The following ZNF253 variants were observed in gnomAD, a reference collection of about 807,000 sequenced individuals.
The protein encoded by ZNF253 is zinc finger protein 253.
A neutral mutation model predicts 11.9 loss-of-function variants in ZNF253; 8 were observed. The observed-to-expected ratio is 0.67, with a 90% CI of 0.40 to 1.22. ZNF253 has a LOEUF of 1.22. Among genes scored for constraint, ZNF253 ranks in the 50% most tolerant of loss-of-function variants. The probability of loss-of-function intolerance (pLI) is 0.01; values close to 1 mark genes in which losing one functional copy is unlikely to be tolerated. For synonymous variants in ZNF253, 194 were observed against 194.9 expected (o/e 1.00, Z 0.04); for missense variants, 485 against 586.9 (o/e 0.83, Z 1.79).
In ZNF253 at chr19:19,892,026, A is replaced by T; in HGVS notation, c.779A>T (p.Glu260Val). The T allele has an allele frequency of 6.2e-7, 1 of 1,613,874 alleles. No individual in the cohort carries two copies. The highest frequency in any genetic ancestry group is 8.5e-7 in the Non-Finnish European group (1 of 1,179,986). The change falls in exon 4 of 4, where the codon GAA becomes GTA. Residue 260 changes from glutamate (E) to valine (V), a missense_variant. By Grantham distance (121) the Glu-to-Val change is moderately radical. Around this residue, in one of 3 missense-constraint regions of ZNF253, gnomAD observed 232 missense variants for 321.4 expected, o/e 0.72. Transcript: ENST00000589717. The part of the protein sequence containing the change: ...HTGEKPYKCE[E>V]CGKAFNRSTD... ...GGAGAGAAACCCTACAAATGTGAAG[A>T]ATGTGGCAAAGCCTTCAACCGATCC...
chr19:19,876,491 T>G (rs971984361), intron 1 of ZNF253, among the ~76,000 whole-genome samples: 1 of 148,582 alleles, frequency 6.7e-6, no homozygotes, highest in South Asian at 2.1e-4. Context: ...AGGAGAAACT[T>G]ATATTTTTAT....
chr19:19,872,580 T>TATATATTTA (rs1555777030), intron 1 of ZNF253, among the ~76,000 whole-genome samples: 2 of 108,438 alleles, frequency 1.8e-5, no homozygotes, highest in African/African-American at 1.0e-4. Flanking sequence ...TATATATATA[T>TATATATTTA]TATTATATAT....
chr19:19,866,074 C>CT lies in ZNF253; in HGVS notation c.3+76dup, dbSNP rs2063109706. 5.0e-6 allele frequency: 8 copies of CT among 1,594,064 alleles called. No homozygotes were observed. The South Asian group carries it at 8.8e-5, about 18-fold the overall frequency. ...GGTGGGAAGTGGCTCTGGCGGGACT[C>CT]TGCTTCCTCACAGTCAGCTCCACAA... On this transcript the variant is annotated intron_variant, in intron 1 of 3. Transcript: ENST00000589717.
intron 1 of ZNF253, among the ~76,000 whole-genome samples, chr19:19,873,589 G>C (rs1244768898): frequency 6.6e-6 from 1 of 152,028 alleles, no homozygotes; most frequent in African/African-American, 2.4e-5. Flanking sequence ...AGGTTTCTTT[G>C]GTTGGTACCA....
At chr19:19,887,878 AG>A (rs1446292923) in intron 3 of ZNF253, among the ~76,000 whole-genome samples, 1 of 150,462 alleles carries the variant, frequency 6.6e-6, no homozygotes, top group African/African-American at 2.4e-5. Context: ...CTGGGATTAC[AG>A]GCATGCCCCA....
At chr19:19,879,968 C>A in intron 2 of ZNF253, 83 bp from the exon 3 acceptor site, 2 of 701,186 alleles carry the variant, frequency 2.9e-6, no homozygotes, top group Admixed American at 3.2e-5. Context: ...AATATTTTAT[C>A]ACATCCTCTC....
At chr19:19,884,649 G>A (rs1228950024) in intron 3 of ZNF253, among the ~76,000 whole-genome samples, 1 of 152,126 alleles carries the variant, frequency 6.6e-6, no homozygotes, top group Non-Finnish European at 1.5e-5. Context: ...TATGATTACA[G>A]GCTTGAGCCA....
rs539839524 is a variant in ZNF253 at position 19,865,887 on chromosome 19, T to A, written c.-110T>A. On this transcript the variant is annotated 5_prime_UTR_variant, in exon 1 of 4. Coordinates refer to ENST00000589717, the MANE Select transcript of ZNF253 (RefSeq NM_021047.3). ...CGCTGCAGCGGGAGCTCCAGGTTTA[T>A]CCTCAGTGTTCTGTGTCCTGTGCTT... The A allele has an allele frequency of 1.6e-5, 22 of 1,385,816 alleles. No individual in the cohort carries two copies. In the South Asian group the frequency reaches 2.5e-4, roughly 16 times the overall value. The allele number at this position is 1,385,816 out of a possible 1,614,324, so 85.8% of individuals were successfully genotyped here.
At chr19:19,884,713 T>A (rs2063191476) in intron 3 of ZNF253, among the ~76,000 whole-genome samples, 1 of 152,150 alleles carries the variant, frequency 6.6e-6, no homozygotes, top group South Asian at 2.1e-4. Flanking sequence ...ATAAGGAACA[T>A]TTCTAACATT....
intron 1 of ZNF253, among the ~76,000 whole-genome samples, chr19:19,870,357 A>G (rs1599549266): frequency 6.8e-6 from 1 of 148,012 alleles, no homozygotes; most frequent in South Asian, 2.1e-4. Context: ...GCACCATTTC[A>G]CTCCAGCCTG....
chr19:19,891,120 G>A (rs1431597181), intron 3 of ZNF253, among the ~76,000 whole-genome samples: 3 of 152,056 alleles, frequency 2.0e-5, no homozygotes, highest in African/African-American at 2.4e-5. Context: ...GATTACAGGC[G>A]TGAGCCACCA....
Position 19,891,690 on chromosome 19 carries a change from A to T in ZNF253, c.443A>T (p.Lys148Ile). The change falls in exon 4 of 4, where the codon AAA becomes ATA. Residue 148 changes from lysine (K) to isoleucine (I), a missense_variant. Physicochemically the swap from Lys to Ile is moderately radical, Grantham distance 102 (BLOSUM62 -3). Around this residue, in one of 3 missense-constraint regions of ZNF253, gnomAD observed 218 missense variants for 213.1 expected, o/e 1.02. Transcript: ENST00000589717. Reference sequence around the variant, plus strand: ...CAGAAAGAAATATTTCAATGTGATAAATATGGAAAAGTCTTTCATAAGTTT... The same window carrying T: ...CAGAAAGAAATATTTCAATGTGATATATATGGAAAAGTCTTTCATAAGTTT... The part of the protein sequence containing the change: ...TTQKEIFQCD[K>I]YGKVFHKFSN... 3 of 1,614,106 alleles carry T rather than the reference A, an allele frequency of 1.9e-6. No homozygotes were observed. The highest frequency in any genetic ancestry group is 2.5e-6 in the Non-Finnish European group (3 of 1,179,964).
At chr19:19,888,852 T>A (rs1437508108) in intron 3 of ZNF253, among the ~76,000 whole-genome samples, 1 of 152,056 alleles carries the variant, frequency 6.6e-6, no homozygotes, top group Non-Finnish European at 1.5e-5. Context: ...TTATTTTCAG[T>A]GGAAGAAACT....
chr19:19,866,662 C>T (rs1270874617), intron 1 of ZNF253, among the ~76,000 whole-genome samples: 1 of 152,014 alleles, frequency 6.6e-6, no homozygotes, highest in African/African-American at 2.4e-5. Context: ...CCACACCCGG[C>T]TGATTTTGTA....
At chr19:19,881,510 A>G (rs1024465905) in intron 3 of ZNF253, among the ~76,000 whole-genome samples, 20 of 151,924 alleles carry the variant, frequency 1.3e-4, no homozygotes, top group African/African-American at 2.2e-4. Flanking sequence ...TTCACTGGGC[A>G]TGGTGGCGCA....
intron 1 of ZNF253, among the ~76,000 whole-genome samples, chr19:19,874,215 T>C (rs924659855): frequency 3.3e-5 from 5 of 150,796 alleles, no homozygotes; most frequent in East Asian, 4.1e-4. Flanking sequence ...CAGCCACATA[T>C]TTATTTTCTA....
At chr19:19,888,972 G>T (rs141697752) in intron 3 of ZNF253, among the ~76,000 whole-genome samples, 1 of 151,624 alleles carries the variant, frequency 6.6e-6, no homozygotes, top group Admixed American at 6.6e-5. Context: ...TTTGCCGATG[G>T]TATTATTTTC....
Position 19,892,488 on chromosome 19 carries a change from A to T in ZNF253, c.1241A>T (p.His414Leu), listed in dbSNP as rs1340268859. The T allele has an allele frequency of 6.2e-7, 1 of 1,613,930 alleles. No individual in the cohort carries two copies. Among genetic ancestry groups the T allele is most frequent in the Non-Finnish European group, 8.5e-7 (1 of 1,179,956 alleles). The part of the protein sequence containing the change: ...TFTWPSILSK[H>L]KRTHTGEKPY... ...ACCTGGCCCTCAATCCTCTCCAAAC[A>T]TAAAAGAACTCATACTGGAGAGAAA... Residue 414 changes from histidine to leucine, a missense_variant, in exon 4 of 4, where the codon CAT becomes CTT. By Grantham distance (99) the His-to-Leu change is moderately conservative (BLOSUM62 -3). Transcript: ENST00000589717.
At position 19,890,467 on chromosome 19, in the gene ZNF253, A is replaced by T. The variant is rs1182689352; in HGVS notation, c.227-1007A>T. ...ATGTGCCAATATTTTTCTTATTTTT[A>T]AAAAAGAAACCAGGAGTTGGCAATT... On this transcript the variant is annotated intron_variant, in intron 3 of 3. Transcript: ENST00000589717. Among the ~76,000 whole-genome samples, 6 of 151,728 alleles carry T rather than the reference A, an allele frequency of 4.0e-5. No homozygotes were observed. The East Asian group carries it at 9.7e-4, about 24-fold the overall frequency.
Sources: gnomAD v4.1 joint callset for allele counts (sites outside exome capture counted in the v4.1 genomes callset) on GRCh38, gnomAD v4.1.1 for gene constraint, gnomAD v4.1.1 regional missense constraint, MANE v1.5 for transcripts, NCBI Gene and HGNC (gene_info 2026-07-23, HGNC 2026-07-21) for gene names.